TASOR2: variants seen among roughly 807,000 people sequenced by gnomAD.
TASOR2 encodes transcription activation suppressor family member 2.
In TASOR2, 84 loss-of-function variants were observed where a neutral mutation model predicts 199.5. That is an observed-to-expected ratio of 0.42 (90% CI 0.35 to 0.50). TASOR2 has a LOEUF of 0.50. Among genes scored for constraint, TASOR2 ranks in the 20% least tolerant of loss-of-function variants. The pLI is 0.02. For missense variants in TASOR2, 2,796 were observed against 2,835.9 expected, an observed-to-expected ratio of 0.99 and a Z score of 0.32; for synonymous variants, 1,103 against 1,046.6, an observed-to-expected ratio of 1.05 and a Z score of -1.04.
chr10:5,717,796 G>A (rs2131562746), intron 3 of TASOR2, 46 bp downstream of exon 4: 1 of 725,146 alleles, frequency 1.4e-6, no homozygotes, highest in East Asian at 3.4e-5. Flanking sequence ...TAAAGTTTAA[G>A]GTTATCTACC....
rs945775186 is a variant in TASOR2, at chr10:5,746,776, A to T, written c.3355A>T (p.Lys1119Ter). Residue 1119 changes from lysine to a stop codon, truncating the protein, a stop_gained, in exon 15 of 21, where the codon AAG becomes TAG. Coordinates refer to ENST00000328090, the Ensembl canonical transcript of TASOR2. LOFTEE classifies it high-confidence loss of function. The stretch of plus-strand genomic sequence containing the variant: ...TCCCTCTCTAGTAGTTGCAGGACAG[A>T]AGGGCACTAAGTACCTTTGTGCCTC... The T allele has an allele frequency of 2.3e-5, 37 of 1,614,106 alleles. No homozygotes were observed. Among genetic ancestry groups the T allele is most frequent in the Non-Finnish European group, 3.1e-5 (37 of 1,180,048 alleles).
At chr10:5,758,724 G>A (rs1003963301) in intron 17 of TASOR2, among the ~76,000 whole-genome samples, 163 bp from the exon 19 acceptor site, 11 of 152,218 alleles carry the variant, frequency 7.2e-5, no homozygotes, top group African/African-American at 2.7e-4. Context: ...GCTTGTGAGA[G>A]CAGGATGCTG....
rs1156841130 is a variant in TASOR2, at chr10:5,696,064, A to G, written c.-288+10889A>G. Among the ~76,000 whole-genome samples, 4 of 152,324 alleles carry G rather than the reference A, an allele frequency of 2.6e-5. No individual in the cohort carries two copies. The East Asian group carries it at 7.7e-4, about 29-fold the overall frequency. ...GGAGACTAGGAGGCTCCAGATGGTTAAGGTGGGGGTGAAGCACCTAAATGA... is the reference window on the plus strand; with the variant it reads ...GGAGACTAGGAGGCTCCAGATGGTTGAGGTGGGGGTGAAGCACCTAAATGA... On this transcript the variant is annotated intron_variant, in intron 1 of 20. Coordinates refer to ENST00000328090, the Ensembl canonical transcript of TASOR2.
intron 15 of TASOR2, among the ~76,000 whole-genome samples, chr10:5,756,320 G>T (rs1838939990): frequency 6.6e-6 from 1 of 152,142 alleles, no homozygotes; most frequent in Non-Finnish European, 1.5e-5. Flanking sequence ...TATTCTCAAG[G>T]TAGCTCATGC....
rs57228390 is a variant in TASOR2, at chr10:5,762,511, G to GTTTT, written c.7175-9_7175-6dup. 7.6e-3 allele frequency: 4,495 copies of GTTTT among 587,804 alleles called. 218 individuals are homozygous for GTTTT. In the African/African-American group the frequency reaches 0.091, roughly 12 times the overall value. 36.4% of individuals were successfully genotyped at this position (587,804 alleles called of 1,614,324 possible). ...ACATTAATTATATTAACCAAAAGTT[G>GTTTT]TTTTTTTTTTTTTTTAACAGACAAG... On this transcript the variant is annotated intron_variant, in intron 19 of 20. Transcript: ENST00000328090.
Position 5,754,433 on chromosome 10 carries a change from A to T in TASOR2, c.6607-2180A>T, listed in dbSNP as rs532842413. 2.8e-4 allele frequency among the ~76,000 whole-genome samples: 42 copies of T among 151,948 alleles called. 1 individual carries two copies. The South Asian group carries it at 7.9e-3, about 29-fold the overall frequency. On this transcript the variant is annotated intron_variant, in intron 15 of 20. Coordinates refer to ENST00000328090, the Ensembl canonical transcript of TASOR2. The surrounding 1 kb of genome is among the most constrained non-coding windows in gnomAD (Gnocchi z 4.3). ...AGATGAAGTTTTGCTCTTGTCGCCC[A>T]GGCTGGAGTGCAGTGGCGCGATCTC...
intron 1 of TASOR2, among the ~76,000 whole-genome samples, chr10:5,709,296 G>A (rs1022036548): frequency 6.6e-6 from 1 of 152,034 alleles, no homozygotes. Context: ...ATATATTTCT[G>A]TGTACAAAAT....
intron 1 of TASOR2, among the ~76,000 whole-genome samples, chr10:5,686,468 A>T (rs1338931134): frequency 1.3e-5 from 2 of 152,206 alleles, no homozygotes; most frequent in Non-Finnish European, 2.9e-5. Context: ...TATTTTCAAG[A>T]TATCCCTATA....
Position 5,715,703 on chromosome 10 carries a change from C to T in TASOR2, c.-191-1956C>T, listed in dbSNP as rs933688311. On this transcript the variant is annotated intron_variant, in intron 2 of 20. Transcript: ENST00000328090. ...CTGTCACCAGGCTGGAGTGCAATGG[C>T]GCAATCTCAGCTCTCTGCAACCTTC... Among the ~76,000 whole-genome samples the T allele has an allele frequency of 5.3e-5, 8 of 151,838 alleles. No individual in the cohort carries two copies. The South Asian group carries it at 1.0e-3, about 20-fold the overall frequency.
Position 5,720,572 on chromosome 10 carries a change from C to T in TASOR2, c.-71C>T, listed in dbSNP as rs979507076. 1 of 1,608,218 alleles carries T rather than the reference C, an allele frequency of 6.2e-7. No homozygotes were observed. On this transcript the variant is annotated 5_prime_UTR_variant, in exon 4 of 21. Transcript: ENST00000328090. The surrounding 1 kb of genome is among the most constrained non-coding windows in gnomAD (Gnocchi z 5.3). Reference sequence around the variant, plus strand: ...TACTTTTACGAACTTTCAGGCAACACCGTTATTGAACGACCCAGACAGATC... The same window carrying T: ...TACTTTTACGAACTTTCAGGCAACATCGTTATTGAACGACCCAGACAGATC...
Position 5,742,460 on chromosome 10 carries a change from T to G in TASOR2, c.2691T>G (p.Thr897=), listed in dbSNP as rs1282724204. 3.1e-6 allele frequency: 5 copies of G among 1,614,034 alleles called. No individual in the cohort carries two copies. Among genetic ancestry groups the G allele is most frequent in the Non-Finnish European group, 4.2e-6 (5 of 1,180,004 alleles). ...GTGTACAAAATGAACAGAAAAAAAC[T>G]TTTGCAAGAGAGTGTGATCCAGACA... is the stretch of plus-strand genomic sequence containing the variant. The change falls in exon 14 of 21, where the codon ACT becomes ACG. Residue 897 remains threonine, a synonymous_variant. Transcript: ENST00000328090. This position sits in a 1 kb window ranked among gnomAD's most constrained non-coding sequence, Gnocchi z 4.2.
At chr10:5,707,415 G>A (rs1040447725) in intron 1 of TASOR2, among the ~76,000 whole-genome samples, 3 of 151,988 alleles carry the variant, frequency 2.0e-5, no homozygotes, top group Admixed American at 6.6e-5. Flanking sequence ...GTTCTGTTCC[G>A]TTCTATGTTG....
chr10:5,687,542 A>G lies in TASOR2; in HGVS notation c.-288+2367A>G, dbSNP rs1332461562. Among the ~76,000 whole-genome samples the G allele has an allele frequency of 6.6e-6, 1 of 152,256 alleles. No homozygotes were observed. Among genetic ancestry groups the G allele is most frequent in the East Asian group, 1.9e-4 (1 of 5,204 alleles). On this transcript the variant is annotated intron_variant, in intron 1 of 20. Coordinates refer to ENST00000328090, the Ensembl canonical transcript of TASOR2. The surrounding 1 kb of genome is among the most constrained non-coding windows in gnomAD (Gnocchi z 4.8). Reference sequence around the variant, plus strand: ...CTTTTTAAGAACCATTGAGGGGGCCAGGTACGGTGGCCCACGCCTGTAATC... The same window carrying G: ...CTTTTTAAGAACCATTGAGGGGGCCGGGTACGGTGGCCCACGCCTGTAATC...
intron 1 of TASOR2, among the ~76,000 whole-genome samples, chr10:5,686,244 C>T (rs1333283822): frequency 6.6e-6 from 1 of 152,132 alleles, no homozygotes; most frequent in Non-Finnish European, 1.5e-5. Context: ...GAACATTTGC[C>T]CAAATGTAAC....
rs1477429848 is a variant in TASOR2, at chr10:5,720,861, A to G, written c.47-10A>G. On this transcript the variant is annotated splice_polypyrimidine_tract_variant and intron_variant, in intron 5 of 20. Coordinates refer to ENST00000328090, the Ensembl canonical transcript of TASOR2. The surrounding 1 kb of genome is among the most constrained non-coding windows in gnomAD (Gnocchi z 5.3). ...AATAATCAGTTTCTTTTTTACCTTC[A>G]TTTCTTCAGTTCTCATGTCTCCATG... The G allele has an allele frequency of 1.3e-6, 2 of 1,596,842 alleles. No individual in the cohort carries two copies. Among genetic ancestry groups the G allele is most frequent in the Non-Finnish European group, 1.7e-6 (2 of 1,175,214 alleles).
At chr10:5,723,545 C>G (rs563466260) in intron 6 of TASOR2, 132 bp from the exon 8 acceptor site, 121 of 473,466 alleles carry the variant, frequency 2.6e-4, no homozygotes, top group Non-Finnish European at 1.9e-5. Flanking sequence ...TATTATTTAA[C>G]CTGGAGCTTA....
Position 5,689,485 on chromosome 10 carries a change from A to G in TASOR2, c.-288+4310A>G, listed in dbSNP as rs553171392. ...CATGGGGGTGCGCGCCTGTAGTCCCAGCTACTCGGGAGGCTGAGGCAGAAG... is the reference window on the plus strand; with the variant it reads ...CATGGGGGTGCGCGCCTGTAGTCCCGGCTACTCGGGAGGCTGAGGCAGAAG... On this transcript the variant is annotated intron_variant, in intron 1 of 20. Transcript: ENST00000328090. The surrounding 1 kb of genome is among the most constrained non-coding windows in gnomAD (Gnocchi z 4.1). Among the ~76,000 whole-genome samples, 150 of 152,294 alleles carry G rather than the reference A, an allele frequency of 9.8e-4. 1 individual carries two copies. Among genetic ancestry groups the G allele is most frequent in the African/African-American group, 3.4e-3 (143 of 41,570 alleles).
At chr10:5,731,227 GT>G in intron 11 of TASOR2, 24 bp downstream of exon 12, 1 of 1,584,894 alleles carries the variant, frequency 6.3e-7, no homozygotes, top group Non-Finnish European at 8.5e-7. Flanking sequence ...ATTTATGTGG[GT>G]TATTATAATA....
At chr10:5,755,518 G>A (rs769313500) in intron 15 of TASOR2, among the ~76,000 whole-genome samples, 8 of 151,892 alleles carry the variant, frequency 5.3e-5, no homozygotes, top group Non-Finnish European at 8.8e-5. Flanking sequence ...GGGTTGCAGT[G>A]AGCCGAGATT....
Sources: gnomAD v4.1 joint callset for allele counts (sites outside exome capture counted in the v4.1 genomes callset) on GRCh38, gnomAD v4.1.1 for gene constraint, Gnocchi (gnomAD v3.1) non-coding constraint, MANE v1.5 for transcripts, NCBI Gene and HGNC (gene_info 2026-07-23, HGNC 2026-07-21) for gene names.